PKP2: variants seen among roughly 807,000 people sequenced by gnomAD.
PKP2 encodes the protein plakophilin 2, also known as plakophilin-2.
In PKP2, 73 loss-of-function variants were observed where a neutral mutation model predicts 83.4. The ratio of observed to expected loss-of-function variants is 0.88; its 90% CI spans 0.72 to 1.06. The LOEUF (loss-of-function observed/expected upper bound fraction) is 1.06. Ranked by LOEUF, PKP2 falls within the 50% of genes least tolerant of loss-of-function variation. PKP2 has a pLI of 0.00. For missense variants in PKP2, 966 were observed against 1,065.4 expected, an observed-to-expected ratio of 0.91 and a Z score of 1.30; for synonymous variants, 409 against 430.4, an observed-to-expected ratio of 0.95 and a Z score of 0.62.
intron 4 of PKP2, among the ~76,000 whole-genome samples, chr12:32,856,258 T>C (rs1956746950): frequency 6.6e-6 from 1 of 152,144 alleles, no homozygotes; most frequent in Non-Finnish European, 1.5e-5. Context: ...ATTTGTCTTT[T>C]ATCCTGCAGG....
intron 4 of PKP2, among the ~76,000 whole-genome samples, chr12:32,858,118 TA>T (rs1565592753): frequency 1.0e-5 from 1 of 95,588 alleles, no homozygotes; most frequent in African/African-American, 4.0e-5. Flanking sequence ...TATATATATT[TA>T]TATATATTTT....
chr12:32,816,795 A>T (rs1160938270), intron 9 of PKP2, among the ~76,000 whole-genome samples: 1 of 127,934 alleles, frequency 7.8e-6, no homozygotes, highest in Non-Finnish European at 1.7e-5. Flanking sequence ...GTGGTATGAG[A>T]TGGCATCTCA....
chr12:32,855,667 T>C (rs1272305553), intron 4 of PKP2, among the ~76,000 whole-genome samples: 1 of 144,272 alleles, frequency 6.9e-6, no homozygotes, highest in African/African-American at 2.6e-5. Flanking sequence ...TCCCAGCTAC[T>C]GGGGAGGCTG....
chr12:32,819,305 A>G (rs1956352202), intron 9 of PKP2, among the ~76,000 whole-genome samples: 1 of 46,652 alleles, frequency 2.1e-5, no homozygotes, highest in Admixed American at 2.3e-4. Flanking sequence ...ATACAATACA[A>G]TACAATACAA....
At chr12:32,837,287 C>T (rs1956552063) in intron 6 of PKP2, among the ~76,000 whole-genome samples, 1 of 152,166 alleles carries the variant, frequency 6.6e-6, no homozygotes, top group Non-Finnish European at 1.5e-5. Flanking sequence ...TGAAGACAAG[C>T]TTCCGGCATT....
At chr12:32,889,877 C>T (rs2137988874) in intron 1 of PKP2, among the ~76,000 whole-genome samples, 1 of 151,980 alleles carries the variant, frequency 6.6e-6, no homozygotes, top group South Asian at 2.1e-4. Context: ...GAGATCGAGA[C>T]CATCCTGGCT....
chr12:32,821,546 G>T lies in PKP2; in HGVS notation c.1840-17C>A, dbSNP rs1389021730. On this transcript the variant is annotated splice_polypyrimidine_tract_variant and intron_variant, in intron 8 of 12. Coordinates refer to ENST00000340811, the MANE Select transcript of PKP2 (RefSeq NM_001005242.3). ...CTGGTATTGCTGACCACACACAAAAGGAATCCAGAATTAATGCATGTCAGG... is the reference window on the plus strand; with the variant it reads ...CTGGTATTGCTGACCACACACAAAATGAATCCAGAATTAATGCATGTCAGG... 2 of 1,613,634 alleles carry T rather than the reference G, an allele frequency of 1.2e-6. No homozygotes were observed. Among genetic ancestry groups the T allele is most frequent in the Admixed American group, 1.7e-5 (1 of 59,996 alleles).
chr12:32,797,024 C>T (rs1956132224), intron 10 of PKP2, among the ~76,000 whole-genome samples: 1 of 152,064 alleles, frequency 6.6e-6, no homozygotes, highest in South Asian at 2.1e-4. Context: ...CTATGATTAA[C>T]TAAAACACAC....
At chr12:32,795,377 CTTT>C (rs562977029) in intron 11 of PKP2, among the ~76,000 whole-genome samples, 1 of 142,942 alleles carries the variant, frequency 7.0e-6, no homozygotes, top group Non-Finnish European at 1.5e-5. Flanking sequence ...GCTGCTGCTG[CTTT>C]TTTTTTTTTT....
chr12:32,834,423 T>C lies in PKP2; in HGVS notation c.1556+6605A>G, dbSNP rs564486504. ...AAATTTCTGATAGCTGGTTCTACAA[T>C]TGCGGAAGAGTCTTGGGGACTTAAT... On this transcript the variant is annotated intron_variant, in intron 6 of 12. Coordinates refer to ENST00000340811, the MANE Select transcript of PKP2 (RefSeq NM_001005242.3). 2.6e-4 allele frequency among the ~76,000 whole-genome samples: 39 copies of C among 152,308 alleles called. 1 individual carries two copies. The South Asian group carries it at 7.9e-3, about 31-fold the overall frequency.
intron 6 of PKP2, among the ~76,000 whole-genome samples, chr12:32,837,873 C>G (rs999372920): frequency 6.6e-6 from 1 of 152,146 alleles, no homozygotes; most frequent in Non-Finnish European, 1.5e-5. Flanking sequence ...ATTATCATAT[C>G]TCTGTCCTCC....
intron 4 of PKP2, among the ~76,000 whole-genome samples, chr12:32,852,026 T>C (rs1299065261): frequency 6.6e-6 from 1 of 152,218 alleles, no homozygotes; most frequent in Non-Finnish European, 1.5e-5. Flanking sequence ...TCGGAAAATA[T>C]GATCTAAAGA....
At chr12:32,812,689 A>C (rs967470677) in intron 9 of PKP2, among the ~76,000 whole-genome samples, 4 of 152,112 alleles carry the variant, frequency 2.6e-5, no homozygotes, top group Non-Finnish European at 5.9e-5. Context: ...TTTTTAGTAG[A>C]GACGGGGTTT....
chr12:32,870,315 G>A (rs1024216311), intron 3 of PKP2, among the ~76,000 whole-genome samples: 4 of 152,188 alleles, frequency 2.6e-5, no homozygotes, highest in South Asian at 2.1e-4. Flanking sequence ...TGGGGGCGGT[G>A]CAGGTGGGGT....
At chr12:32,806,686 T>TTGTGTGTGTGTGTGTGTGTGTGTG (rs140484431) in intron 9 of PKP2, among the ~76,000 whole-genome samples, 5,437 of 149,550 alleles carry the variant, frequency 0.036, 302 homozygotes, top group East Asian at 0.27. Context: ...TTTGAAGGGT[T>TTGTGTGTGTGTGTGTGTGTGTGTG]TGTGTGTGTG....
chr12:32,791,974 T>C lies in PKP2; in HGVS notation c.*450A>G, dbSNP rs912260503. 1.1e-5 allele frequency: 2 copies of C among 180,016 alleles called. No individual in the cohort carries two copies. The highest frequency in any genetic ancestry group is 4.8e-5 in the African/African-American group (2 of 41,806). The allele number at this position is 180,016 out of a possible 1,614,324, so 11.2% of individuals were successfully genotyped here. On this transcript the variant is annotated 3_prime_UTR_variant, in exon 13 of 13. Transcript: ENST00000340811. ...CAGATATTTCTTGTCATTTCCATTCTGTTTCAACACTGCAGAACAATACAC... is the reference window on the plus strand; with the variant it reads ...CAGATATTTCTTGTCATTTCCATTCCGTTTCAACACTGCAGAACAATACAC...
chr12:32,812,860 A>T (rs1001189211), intron 9 of PKP2, among the ~76,000 whole-genome samples: 1 of 152,222 alleles, frequency 6.6e-6, no homozygotes, highest in African/African-American at 2.4e-5. Context: ...TGACTTGCCA[A>T]TTGACTTTCT....
intron 9 of PKP2, among the ~76,000 whole-genome samples, chr12:32,812,335 G>A (rs73301781): frequency 2.6e-5 from 4 of 151,854 alleles, no homozygotes; most frequent in Admixed American, 2.0e-4. Context: ...TCACTTCCAC[G>A]GTAACATGGA....
At chr12:32,849,946 G>A (rs918362850) in intron 5 of PKP2, among the ~76,000 whole-genome samples, 2 of 152,206 alleles carry the variant, frequency 1.3e-5, no homozygotes, top group African/African-American at 2.4e-5. Context: ...GGAAAACTAT[G>A]TGACACTCCA....
Sources: allele counts gnomAD v4.1 joint callset (sites outside exome capture counted in the v4.1 genomes callset), GRCh38; gene constraint gnomAD v4.1.1; transcripts MANE v1.5; gene names NCBI Gene and HGNC (gene_info 2026-07-23, HGNC 2026-07-21).